Variants in PRKCH observed in about 807,000 individuals in gnomAD.
PRKCH encodes protein kinase C eta, also known as protein kinase C eta type.
In PRKCH, 28 loss-of-function variants were observed where a neutral mutation model predicts 82.5. That is an observed-to-expected ratio of 0.34 (90% confidence interval 0.25 to 0.47). The LOEUF is 0.47. PRKCH is among the 20% of genes least tolerant of loss of function. The pLI is 1.00. For synonymous variants in PRKCH, 322 were observed against 327.4 expected (o/e 0.98, Z 0.18); for missense variants, 705 against 881.8 (o/e 0.80, Z 2.54).
intron 1 of PRKCH, among the ~76,000 whole-genome samples, chr14:61,226,910 C>T (rs150586105): frequency 2.1e-3 from 314 of 152,224 alleles, no homozygotes; most frequent in Middle Eastern, 0.01. Context: ...CTTCCCACTA[C>T]CAAATCTCTC....
chr14:61,266,408 A>G (rs1013293675), intron 1 of PRKCH, among the ~76,000 whole-genome samples: 2 of 151,574 alleles, frequency 1.3e-5, no homozygotes, highest in African/African-American at 4.9e-5. Context: ...ACAGAGCGAG[A>G]CTCCATCTCC....
At chr14:61,248,792 GTA>G (rs1364341643) in intron 1 of PRKCH, among the ~76,000 whole-genome samples, 53,902 of 113,020 alleles carry the variant, frequency 0.48, 12,159 homozygotes, top group East Asian at 0.59. Flanking sequence ...ATGTATGTAT[GTA>G]TGTATGTGTG....
At chr14:61,308,920 C>CGT (rs1212579473) in intron 1 of PRKCH, among the ~76,000 whole-genome samples, 1 of 151,912 alleles carries the variant, frequency 6.6e-6, no homozygotes, top group East Asian at 1.9e-4. Context: ...TAAGACATCA[C>CGT]GTCCAGCCTC....
chr14:61,389,419 A>T (rs532524626), intron 1 of PRKCH, among the ~76,000 whole-genome samples: 1 of 152,080 alleles, frequency 6.6e-6, no homozygotes, highest in Non-Finnish European at 1.5e-5. Flanking sequence ...TGCCAGGCAC[A>T]GTGACTCACA....
intron 1 of PRKCH, among the ~76,000 whole-genome samples, chr14:61,333,344 C>T (rs181137690): frequency 6.6e-6 from 1 of 152,272 alleles, no homozygotes; most frequent in Admixed American, 6.5e-5. Context: ...CTCCTAAAGC[C>T]TTTCCTAAAC....
chr14:61,524,110 G>A (rs796848122), intron 10 of PRKCH, among the ~76,000 whole-genome samples: 4 of 152,104 alleles, frequency 2.6e-5, no homozygotes, highest in African/African-American at 9.7e-5. Context: ...CTCTCAACTC[G>A]CTTTCCTTTA....
chr14:61,329,809 T>A (rs1218748831), intron 1 of PRKCH, among the ~76,000 whole-genome samples: 1 of 152,184 alleles, frequency 6.6e-6, no homozygotes, highest in African/African-American at 2.4e-5. Context: ...CGCTGTCTCC[T>A]CCAACCTGAA....
chr14:61,309,418 G>A (rs1309803715), intron 1 of PRKCH, among the ~76,000 whole-genome samples: 1 of 152,194 alleles, frequency 6.6e-6, no homozygotes, highest in Admixed American at 6.5e-5. Flanking sequence ...GAAGGATAAA[G>A]CAAATGGAAG....
intron 10 of PRKCH, among the ~76,000 whole-genome samples, chr14:61,491,979 A>G (rs184977759): frequency 6.6e-6 from 1 of 152,354 alleles, no homozygotes; most frequent in African/African-American, 2.4e-5. Context: ...CTATCCAGTT[A>G]GGGAAAGATG....
At chr14:61,451,100 G>A in intron 6 of PRKCH, 129 bp downstream of exon 6, 1 of 1,217,718 alleles carries the variant, frequency 8.2e-7, no homozygotes, top group Non-Finnish European at 1.1e-6. Context: ...CAACATCTTA[G>A]TCATTTTAAA....
intron 1 of PRKCH, among the ~76,000 whole-genome samples, chr14:61,227,174 T>A (rs1256214792): frequency 6.6e-6 from 1 of 152,202 alleles, no homozygotes; most frequent in Non-Finnish European, 1.5e-5. Context: ...CAGCAGTTAA[T>A]CATGTGGTTC....
chr14:61,306,855 C>T (rs1025398270), intron 1 of PRKCH: 4 of 152,092 alleles, frequency 2.6e-5, no homozygotes, highest in African/African-American at 9.7e-5. Flanking sequence ...CTTTAAATGA[C>T]TGTAATTAAC....
intron 1 of PRKCH, among the ~76,000 whole-genome samples, chr14:61,344,841 C>T (rs1594931815): frequency 6.6e-6 from 1 of 152,230 alleles, no homozygotes; most frequent in East Asian, 1.9e-4. Flanking sequence ...CTTGAAGAAC[C>T]TTAAAGGTCA....
chr14:61,518,442 A>G (rs985156757), intron 10 of PRKCH, among the ~76,000 whole-genome samples: 3 of 151,978 alleles, frequency 2.0e-5, no homozygotes, highest in Admixed American at 6.6e-5. Flanking sequence ...ATGCAAAAAA[A>G]AAAAAGAAAA....
Position 61,453,411 on chromosome 14 carries a change from G to A in PRKCH, c.960+58G>A, listed in dbSNP as rs1263043406. On this transcript the variant is annotated intron_variant, in intron 7 of 13. Coordinates refer to ENST00000332981, the MANE Select transcript of PRKCH (RefSeq NM_006255.5). ...TTTAGAAGTTGCTCAGATGTGATGAGCCCAAATGAGAGCATGTGGCCTCAT... is the reference window on the plus strand; with the variant it reads ...TTTAGAAGTTGCTCAGATGTGATGAACCCAAATGAGAGCATGTGGCCTCAT... 10 of 1,570,074 alleles carry A rather than the reference G, an allele frequency of 6.4e-6. No homozygotes were observed. The East Asian group carries it at 6.8e-5, about 11-fold the overall frequency.
intron 1 of PRKCH, among the ~76,000 whole-genome samples, chr14:61,291,661 A>G (rs2045363992): frequency 6.6e-6 from 1 of 152,160 alleles, no homozygotes. Flanking sequence ...AAACCATAGC[A>G]TTGATGAACC....
upstream of PRKCH, among the ~76,000 whole-genome samples, chr14:61,319,974 T>C (rs1351998230): frequency 2.6e-5 from 4 of 152,214 alleles, no homozygotes; most frequent in African/African-American, 4.8e-5. Flanking sequence ...TGTGAAATCG[T>C]TGAGAACCTA....
rs142217412 is a variant in PRKCH at position 61,341,004 on chromosome 14, G to A, written c.363+18540G>A. On this transcript the variant is annotated intron_variant, in intron 1 of 13. Coordinates refer to ENST00000332981, the MANE Select transcript of PRKCH (RefSeq NM_006255.5). ...GTTTGTATCATACATATGGATTATTGTGATGGCCTTGGAACTGGTTTCCAT... is the reference window on the plus strand; with the variant it reads ...GTTTGTATCATACATATGGATTATTATGATGGCCTTGGAACTGGTTTCCAT... Among the ~76,000 whole-genome samples the A allele has an allele frequency of 1.3e-3, 198 of 152,154 alleles. 1 individual carries two copies. The highest frequency in any genetic ancestry group is 4.6e-3 in the African/African-American group (189 of 41,504).
intron 10 of PRKCH, among the ~76,000 whole-genome samples, chr14:61,517,154 A>G (rs921206733): frequency 6.6e-5 from 10 of 152,148 alleles, no homozygotes; most frequent in African/African-American, 2.2e-4. Context: ...CATATAGCCA[A>G]TTGCCAAAAG....
Sources: gnomAD v4.1 joint callset for allele counts (sites outside exome capture counted in the v4.1 genomes callset) on GRCh38, gnomAD v4.1.1 for gene constraint, MANE v1.5 for transcripts, NCBI Gene and HGNC (gene_info 2026-07-23, HGNC 2026-07-21) for gene names.